Variants in VIT observed in about 807,000 individuals in gnomAD.
VIT encodes vitrin.
VIT carries 99 observed loss-of-function variants against 78.0 expected under a neutral mutation model. The ratio of observed to expected loss-of-function variants is 1.27; its 90% CI spans 1.08 to 1.50. The LOEUF is 1.50. Among genes scored for constraint, VIT ranks in the 40% most tolerant of loss-of-function variants. The pLI, the probability that VIT is intolerant of heterozygous loss-of-function variation, is 0.00. For synonymous variants in VIT, 374 were observed against 334.3 expected, an observed-to-expected ratio of 1.12 and a Z score of -1.29; for missense variants, 1,126 against 875.3, an observed-to-expected ratio of 1.29 and a Z score of -3.61.
chr2:36,775,295 G>A (rs1347909276), intron 9 of VIT, among the ~76,000 whole-genome samples: 1 of 152,168 alleles, frequency 6.6e-6, no homozygotes, highest in Non-Finnish European at 1.5e-5. Flanking sequence ...ACATCCAAGG[G>A]CTGTCATTAC....
intron 1 of VIT, among the ~76,000 whole-genome samples, chr2:36,714,276 A>C (rs1246688028): frequency 6.6e-6 from 1 of 152,220 alleles, no homozygotes; most frequent in Non-Finnish European, 1.5e-5. Flanking sequence ...TATGCATAGC[A>C]GTGTATCAAA....
chr2:36,772,294 C>T (rs10181358), intron 7 of VIT, among the ~76,000 whole-genome samples: 83,646 of 151,906 alleles, frequency 0.55, 27,188 homozygotes, highest in Middle Eastern at 0.71. Flanking sequence ...CCCAACACTT[C>T]GGGAGGCTAA....
chr2:36,754,593 G>A (rs1461766862), intron 4 of VIT, among the ~76,000 whole-genome samples: 1 of 152,190 alleles, frequency 6.6e-6, no homozygotes, highest in Non-Finnish European at 1.5e-5. Context: ...ATTGGAAACT[G>A]TCAAGAAAGA....
chr2:36,804,520 A>C (rs946915825), intron 13 of VIT, among the ~76,000 whole-genome samples: 1 of 152,182 alleles, frequency 6.6e-6, no homozygotes, highest in African/African-American at 2.4e-5. Context: ...CCAGCAGAAA[A>C]GGGGCACTTC....
chr2:36,771,664 G>C (rs1339814627), intron 7 of VIT, among the ~76,000 whole-genome samples: 2 of 152,046 alleles, frequency 1.3e-5, no homozygotes, highest in African/African-American at 2.4e-5. Context: ...GTTTGGATGA[G>C]AGTGTGGAGA....
At chr2:36,773,621 C>T (rs1669882476) in intron 7 of VIT, among the ~76,000 whole-genome samples, 170 bp from the exon 8 acceptor site, 1 of 152,148 alleles carries the variant, frequency 6.6e-6, no homozygotes. Context: ...ATCCCAGCTA[C>T]TCGGGAGGCT....
chr2:36,767,007 T>C lies in VIT; in HGVS notation c.488-87T>C, dbSNP rs1005734418. On this transcript the variant is annotated intron_variant, in intron 6 of 15. Coordinates refer to ENST00000379242, the MANE Select transcript of VIT (RefSeq NM_053276.4). ...AGCACAGCTCTGTGCTCATAGCTAG[T>C]GTTCAATCAACATTTATTTTATTTC... is the stretch of plus-strand genomic sequence containing the variant. 62 of 1,373,580 alleles carry C rather than the reference T, an allele frequency of 4.5e-5. No individual in the cohort carries two copies. The South Asian group carries it at 9.9e-4, about 22-fold the overall frequency. The allele number at this position is 1,373,580 out of a possible 1,614,324, so 85.1% of individuals were successfully genotyped here. A position where few individuals can be genotyped will look rare whatever the true frequency, so the allele number is the denominator to read the frequency against.
chr2:36,756,900 A>G (rs1668799484), intron 5 of VIT, among the ~76,000 whole-genome samples: 1 of 152,254 alleles, frequency 6.6e-6, no homozygotes, highest in Admixed American at 6.5e-5. Context: ...AGAAAAATTA[A>G]TTCTATGGCA....
rs768222712 is a variant in VIT at position 36,728,812 on chromosome 2, C to CA, written c.53-597dup. On this transcript the variant is annotated intron_variant, in intron 2 of 15. Transcript: ENST00000379242. ...TGGGCGACAGAGCAAGACTCCGTCTCAAAAAAAAAAAAAAAAAGAAAAAAG... is the reference window on the plus strand; with the variant it reads ...TGGGCGACAGAGCAAGACTCCGTCTCAAAAAAAAAAAAAAAAAAGAAAAAAG... Among the ~76,000 whole-genome samples, 11 of 3,438 alleles carry CA rather than the reference C, an allele frequency of 3.2e-3. 5 individuals are homozygous for CA. Among genetic ancestry groups the CA allele is most frequent in the Non-Finnish European group, 0.011 (8 of 754 alleles). 2.3% of individuals were successfully genotyped at this position (3,438 alleles called of 152,430 possible).
intron 8 of VIT, chr2:36,774,634 T>C (rs1669945234): frequency 1.0e-6 from 1 of 985,332 alleles, no homozygotes. Flanking sequence ...AATGGGCTCC[T>C]CTGGTCAGGG....
At chr2:36,754,512 G>T (rs1374991036) in intron 4 of VIT, among the ~76,000 whole-genome samples, 1 of 152,164 alleles carries the variant, frequency 6.6e-6, no homozygotes, top group African/African-American at 2.4e-5. Context: ...AAAAAAAGGA[G>T]TGTTTACTTT....
intron 15 of VIT, 51 bp from the exon 16 acceptor site, chr2:36,814,132 A>G (rs1216525044): frequency 1.9e-5 from 30 of 1,587,616 alleles, no homozygotes; most frequent in Non-Finnish European, 2.6e-5. Context: ...GAGATTCTTT[A>G]GCAGCACCTT....
At chr2:36,782,485 C>A (rs1253584939) in intron 10 of VIT, among the ~76,000 whole-genome samples, 3 of 152,192 alleles carry the variant, frequency 2.0e-5, no homozygotes, top group Non-Finnish European at 4.4e-5. Context: ...TGCAGCCAAG[C>A]GCGAGCGAAG....
chr2:36,708,950 G>C (rs548633981), intron 1 of VIT, among the ~76,000 whole-genome samples: 1 of 152,172 alleles, frequency 6.6e-6, no homozygotes, highest in Non-Finnish European at 1.5e-5. Context: ...AGAAGTTCGA[G>C]ACGAGCGTGA....
chr2:36,699,668 A>G (rs76513332), intron 1 of VIT, among the ~76,000 whole-genome samples: 1,881 of 151,498 alleles, frequency 0.012, 15 homozygotes, highest in African/African-American at 0.018. Context: ...ATAGATAGAT[A>G]TGCACACACA....
chr2:36,805,570 CG>C lies in VIT; in HGVS notation c.1296del (p.Arg433GlufsTer58). On this transcript the variant is annotated frameshift_variant, in exon 14 of 16. Transcript: ENST00000379242. LOFTEE classifies it high-confidence loss of function. ...AAAGTGGAGGAGGCTTCAAGACTTG[CG>C]AGAGAGTCAGGAATCAACATTTTCT... ...TDKVEEASRLARESGINIFFI... is the reference protein window; with the variant it reads ...TDKVEEASRLXRESGINIFFI... The C allele has an allele frequency of 6.2e-7, 1 of 1,614,034 alleles. No homozygotes were observed. Among genetic ancestry groups the C allele is most frequent in the Non-Finnish European group, 8.5e-7 (1 of 1,180,008 alleles).
At chr2:36,764,955 G>A (rs867057628) in intron 6 of VIT, among the ~76,000 whole-genome samples, 9 of 151,956 alleles carry the variant, frequency 5.9e-5, no homozygotes, top group Middle Eastern at 3.4e-3. Context: ...GGTCTGCTGT[G>A]CTGTGTAACA....
chr2:36,709,777 C>G (rs991868081), intron 1 of VIT, among the ~76,000 whole-genome samples: 2 of 151,946 alleles, frequency 1.3e-5, no homozygotes, highest in Non-Finnish European at 2.9e-5. Context: ...GTGCTGGGGT[C>G]AAAAGAGAGG....
rs75708346 is a variant in VIT at position 36,736,493 on chromosome 2, C to T, written c.119-6607C>T. On this transcript the variant is annotated intron_variant, in intron 3 of 15. Coordinates refer to ENST00000379242, the MANE Select transcript of VIT (RefSeq NM_053276.4). ...GAGAAAAGCTTTTAAGTTGTAAAAT[C>T]TCATCAATGGCTTTTCACACATAAT... is the stretch of plus-strand genomic sequence containing the variant. Among the ~76,000 whole-genome samples, 42 of 152,294 alleles carry T rather than the reference C, an allele frequency of 2.8e-4. No individual in the cohort carries two copies. In the East Asian group the frequency reaches 7.5e-3, roughly 27 times the overall value.
Sources: allele counts gnomAD v4.1 joint callset (sites outside exome capture counted in the v4.1 genomes callset), GRCh38; gene constraint gnomAD v4.1.1; transcripts MANE v1.5; gene names NCBI Gene and HGNC (gene_info 2026-07-23, HGNC 2026-07-21).